The following NASP variants were observed in gnomAD, a reference collection of about 807,000 sequenced individuals.
The protein encoded by NASP is NASP histone chaperone.
NASP carries 24 observed loss-of-function variants against 89.5 expected under a neutral mutation model. The ratio of observed to expected loss-of-function variants is 0.27; its 90% CI spans 0.19 to 0.38. The LOEUF is 0.38. Ranked by LOEUF, NASP falls within the 10% of genes least tolerant of loss-of-function variation. The pLI is 1.00. For synonymous variants in NASP, 306 were observed against 324.7 expected (o/e 0.94, Z 0.62); for missense variants, 848 against 921.4 (o/e 0.92, Z 1.03).
intron 1 of NASP, among the ~76,000 whole-genome samples, chr1:45,586,278 GTGTGTGGTGT>G (rs1364165837): frequency 5.7e-3 from 260 of 45,620 alleles, no homozygotes; most frequent in African/African-American, 0.019. Flanking sequence ...GTGTGTGTGT[GTGTGTGGTGT>G]GTGTGTGTGT....
Position 45,612,942 on chromosome 1 carries a change from A to G in NASP, c.1427-227A>G. ...TTATAAGAGAAACACTCAGCCTTTT[A>G]ATTGCTGAAGGTCTGACCCATAGAC... On this transcript the variant is annotated intron_variant, in intron 6 of 14. Transcript: ENST00000350030. 4.8e-6 allele frequency: 2 copies of G among 413,614 alleles called. 1 individual carries two copies. The highest frequency in any genetic ancestry group is 1.3e-4 in the South Asian group (2 of 15,224). 25.6% of individuals were successfully genotyped at this position (413,614 alleles called of 1,614,324 possible).
At chr1:45,594,737 C>A (rs1451356031) in intron 2 of NASP, 5 of 454,412 alleles carry the variant, frequency 1.1e-5, no homozygotes, top group Non-Finnish European at 2.2e-5. Flanking sequence ...CTCAAGCCAT[C>A]TTCTCACCTC....
chr1:45,598,689 G>A (rs1643758647), intron 2 of NASP, among the ~76,000 whole-genome samples: 1 of 152,034 alleles, frequency 6.6e-6, no homozygotes, highest in African/African-American at 2.4e-5. Context: ...CATATCCAAA[G>A]CTAAATACTG....
chr1:45,615,764 T>A, intron 11 of NASP: 1 of 277,994 alleles, frequency 3.6e-6, no homozygotes, highest in Non-Finnish European at 6.7e-6. Flanking sequence ...AGACCAGAAG[T>A]GTTTTGCATT....
Position 45,606,562 on chromosome 1 carries a change from C to A in NASP, c.380C>A (p.Ser127Tyr). 6.2e-7 allele frequency: 1 copy of A among 1,611,126 alleles called. No individual in the cohort carries two copies. Among genetic ancestry groups the A allele is most frequent in the African/African-American group, 1.3e-5 (1 of 74,964 alleles). ...EEEGEKTEDESLVENNDNIDE... is the reference protein window; with the variant it reads ...EEEGEKTEDEYLVENNDNIDE... ...GAAGGAGAAAAAACAGAAGATGAAT[C>A]TCTGGTAGAAAATAATGATAACATA... The change falls in exon 5 of 15, where the codon TCT becomes TAT. Residue 127 changes from serine (S) to tyrosine (Y), a missense_variant. Transcript: ENST00000350030.
chr1:45,607,740 G>A lies in NASP; in HGVS notation c.829G>A (p.Val277Ile), dbSNP rs755638220. ...GAGCATAGAGGAGAAGCCAAAAGAA[G>A]TTTCAGAAGAGCAGCCTGTGGTGAC... ...IVSIEEKPKE[V>I]SEEQPVVTLE... Residue 277 changes from valine to isoleucine, a missense_variant, in exon 6 of 15, where the codon GTT becomes ATT. Coordinates refer to ENST00000350030, the MANE Select transcript of NASP (RefSeq NM_002482.4). 1.2e-6 allele frequency: 2 copies of A among 1,614,144 alleles called. No individual in the cohort carries two copies. The highest frequency in any genetic ancestry group is 1.7e-6 in the Non-Finnish European group (2 of 1,180,014).
chr1:45,591,813 C>G (rs1643556716), intron 2 of NASP, among the ~76,000 whole-genome samples: 1 of 152,004 alleles, frequency 6.6e-6, no homozygotes, highest in Admixed American at 6.6e-5. Flanking sequence ...GGTTACATCC[C>G]TAGAGATTTC....
At chr1:45,599,516 C>T (rs1310773840) in intron 2 of NASP, among the ~76,000 whole-genome samples, 1 of 152,106 alleles carries the variant, frequency 6.6e-6, no homozygotes, top group African/African-American at 2.4e-5. Flanking sequence ...CAACCTCTGC[C>T]TCCCTGGTTC....
chr1:45,609,370 G>T (rs570886935), intron 6 of NASP: 1 of 152,216 alleles, frequency 6.6e-6, no homozygotes, highest in African/African-American at 2.4e-5. Flanking sequence ...CTATGTGCAG[G>T]TCCCTGTACT....
intron 5 of NASP, 75 bp from the exon 6 acceptor site, chr1:45,607,246 A>G (rs763959262): frequency 4.1e-6 from 6 of 1,465,602 alleles, no homozygotes; most frequent in Admixed American, 2.0e-5. Flanking sequence ...AAGGGAATGT[A>G]TTTTTAGTTT....
chr1:45,613,077 C>T (rs1374249994), intron 6 of NASP, 92 bp from the exon 7 acceptor site: 1 of 1,466,312 alleles, frequency 6.8e-7, no homozygotes, highest in Non-Finnish European at 9.0e-7. Context: ...CCTGTCCTAT[C>T]TGAATATAGG....
rs1553169239 is a variant in NASP at position 45,587,661 on chromosome 1, C to CATATATATATATATATATAT, written c.59+3464_59+3483dup. Among the ~76,000 whole-genome samples the CATATATATATATATATATAT allele has an allele frequency of 3.0e-3, 19 of 6,388 alleles. 1 individual carries two copies. The highest frequency in any genetic ancestry group is 9.4e-3 in the African/African-American group (13 of 1,382). The allele number at this position is 6,388 out of a possible 152,430, so 4.2% of individuals were successfully genotyped here. A position where few individuals can be genotyped will look rare whatever the true frequency, so the allele number is the denominator to read the frequency against. On this transcript the variant is annotated intron_variant, in intron 1 of 14. Transcript: ENST00000350030. ...CTATGAGGTTTGTCTTGAGTTTTTTCATATATATATATATATATATATATA... is the reference window on the plus strand; with the variant it reads ...CTATGAGGTTTGTCTTGAGTTTTTTCATATATATATATATATATATATATATATATATATATATATATATA...
rs140761967 is a variant in NASP at position 45,617,521 on chromosome 1, C to T, written c.2216C>T (p.Pro739Leu). 1.2e-4 allele frequency: 200 copies of T among 1,611,302 alleles called. No individual in the cohort carries two copies. The highest frequency in any genetic ancestry group is 5.9e-4 in the African/African-American group (44 of 74,632). Residue 739 changes from proline (P) to leucine (L), a missense_variant, in exon 14 of 15, where the codon CCG (proline) becomes CTG (leucine). By Grantham distance (98) the Pro-to-Leu change is moderately conservative (BLOSUM62 -3). Transcript: ENST00000350030. ...KDDAKKAKQE[P>L]EVNGGSGDAV... ...GATGCAAAGAAAGCCAAACAAGAGC[C>T]GGAGGTGAACGGAGGCAGTGGGGAT... is the stretch of plus-strand genomic sequence containing the variant.
intron 11 of NASP, 69 bp downstream of exon 11, chr1:45,615,540 A>T: frequency 1.4e-6 from 2 of 1,462,664 alleles, no homozygotes; most frequent in Non-Finnish European, 9.3e-7. Flanking sequence ...ATTTGCCAGG[A>T]ACTTTTCATC....
chr1:45,595,129 T>TTGTGTGTGTGTGTG (rs57391869), intron 2 of NASP, among the ~76,000 whole-genome samples: 44 of 111,868 alleles, frequency 3.9e-4, no homozygotes, highest in South Asian at 6.8e-4. Context: ...AGACTAAGTT[T>TTGTGTGTGTGTGTG]TGTGTGTGTG....
At chr1:45,594,705 C>T (rs753755531) in intron 2 of NASP, 17 of 455,246 alleles carry the variant, frequency 3.7e-5, no homozygotes, top group East Asian at 6.9e-5. Context: ...GATGAGGTTT[C>T]GTCACGTTGC....
At chr1:45,604,045 C>T (rs1437374070) in intron 3 of NASP, among the ~76,000 whole-genome samples, 3 of 152,128 alleles carry the variant, frequency 2.0e-5, no homozygotes, top group African/African-American at 7.2e-5. Flanking sequence ...TCCCACTTTC[C>T]TGCCATTAAG....
intron 13 of NASP, 200 bp from the exon 14 acceptor site, chr1:45,617,263 C>A: frequency 1.8e-6 from 1 of 546,498 alleles, no homozygotes; most frequent in South Asian, 2.2e-5. Flanking sequence ...GGTAGAGGGG[C>A]CTGAAGTGAT....
Position 45,613,261 on chromosome 1 carries a change from C to G in NASP, c.1506+13C>G. 6.2e-7 allele frequency: 1 copy of G among 1,603,598 alleles called. No homozygotes were observed. The highest frequency in any genetic ancestry group is 8.5e-7 in the Non-Finnish European group (1 of 1,175,810). On this transcript the variant is annotated intron_variant, in intron 7 of 14. Coordinates refer to ENST00000350030, the MANE Select transcript of NASP (RefSeq NM_002482.4). ...CCTTGAAAACAAGGTATGTTGTTAG[C>G]CACTCAGTACTGTTGTCAGCCTTTT...
Sources: allele counts gnomAD v4.1 joint callset (sites outside exome capture counted in the v4.1 genomes callset), GRCh38; gene constraint gnomAD v4.1.1; transcripts MANE v1.5; gene names NCBI Gene and HGNC (gene_info 2026-07-23, HGNC 2026-07-21).